The following TMEM181 variants were observed in gnomAD, a reference collection of about 807,000 sequenced individuals.
TMEM181 encodes the protein G protein-coupled receptor 178.
TMEM181 carries 39 observed loss-of-function variants against 71.9 expected under a neutral mutation model. The ratio of observed to expected loss-of-function variants is 0.54; its 90% confidence interval spans 0.42 to 0.71. The LOEUF (loss-of-function observed/expected upper bound fraction) is 0.71. TMEM181 is among the 30% of genes least tolerant of loss of function. TMEM181 has a pLI of 0.00. For missense variants in TMEM181, 595 were observed against 583.0 expected, an observed-to-expected ratio of 1.02 and a Z score of -0.21; for synonymous variants, 245 against 228.8, an observed-to-expected ratio of 1.07 and a Z score of -0.64.
At chr6:158,602,937 C>G (rs1195645137) in intron 6 of TMEM181, among the ~76,000 whole-genome samples, 1 of 152,120 alleles carries the variant, frequency 6.6e-6, no homozygotes, top group African/African-American at 2.4e-5. Context: ...ATTTTTCTGA[C>G]AAGAAATCTG....
chr6:158,579,868 G>A (rs1012615764), intron 2 of TMEM181, among the ~76,000 whole-genome samples: 1 of 152,196 alleles, frequency 6.6e-6, no homozygotes, highest in Non-Finnish European at 1.5e-5. Flanking sequence ...ACTTAGAGTA[G>A]TTAAAATCAT....
At chr6:158,560,505 C>A (rs1358290558) in intron 1 of TMEM181, among the ~76,000 whole-genome samples, 3 of 152,182 alleles carry the variant, frequency 2.0e-5, no homozygotes, top group Non-Finnish European at 4.4e-5. Context: ...GACGGGGCTG[C>A]GAGCCACAGC....
intron 1 of TMEM181, among the ~76,000 whole-genome samples, chr6:158,565,038 A>G (rs2128287955): frequency 6.6e-6 from 1 of 152,286 alleles, no homozygotes; most frequent in Admixed American, 6.5e-5. Context: ...GGTGTCTCTC[A>G]CACCCCTTGG....
intron 2 of TMEM181, among the ~76,000 whole-genome samples, chr6:158,580,228 G>T (rs1201811456): frequency 6.6e-6 from 1 of 152,172 alleles, no homozygotes; most frequent in Non-Finnish European, 1.5e-5. Context: ...TACTCGGGAG[G>T]CTGAGGCAGG....
chr6:158,603,674 G>A (rs1583018430), intron 6 of TMEM181, among the ~76,000 whole-genome samples: 1 of 145,280 alleles, frequency 6.9e-6, no homozygotes, highest in African/African-American at 2.6e-5. Flanking sequence ...TGTCTAATCT[G>A]TTGATCATCT....
At chr6:158,603,260 A>G (rs913491887) in intron 6 of TMEM181, among the ~76,000 whole-genome samples, 7 of 151,950 alleles carry the variant, frequency 4.6e-5, no homozygotes, top group African/African-American at 1.7e-4. Context: ...GTGGAAGACA[A>G]TTTTTCCATG....
At chr6:158,624,100 T>C (rs1436319392) in intron 11 of TMEM181, among the ~76,000 whole-genome samples, 2 of 152,192 alleles carry the variant, frequency 1.3e-5, no homozygotes, top group Non-Finnish European at 2.9e-5. Flanking sequence ...TCCCAGTCTT[T>C]GGTTTGTGGC....
chr6:158,603,588 GTTTTTTT>G, intron 6 of TMEM181, among the ~76,000 whole-genome samples: 1 of 136,056 alleles, frequency 7.3e-6, no homozygotes, highest in Non-Finnish European at 1.6e-5. Flanking sequence ...TTTTTTTCAG[GTTTTTTT>G]TTTTTTTTTT....
At chr6:158,577,632 C>T (rs796933013) in intron 2 of TMEM181, among the ~76,000 whole-genome samples, 1 of 151,966 alleles carries the variant, frequency 6.6e-6, no homozygotes, top group South Asian at 2.1e-4. Flanking sequence ...GAAAGAGACC[C>T]ACACCAAGAT....
At position 158,624,386 on chromosome 6, in the gene TMEM181, G is replaced by A. The variant is rs552359903; in HGVS notation, c.955-718G>A. ...TGTGCTGTCCTGTGCTCTGAGCCTT[G>A]ACTGTAAGAGGGGAGCTCTGGCGCT... On this transcript the variant is annotated intron_variant, in intron 11 of 16. Transcript: ENST00000684151. Among the ~76,000 whole-genome samples, 11 of 152,362 alleles carry A rather than the reference G, an allele frequency of 7.2e-5. No homozygotes were observed. In the South Asian group the frequency reaches 2.3e-3, roughly 32 times the overall value.
In TMEM181 at chr6:158,545,068, G is replaced by A. The variant is rs376097350; in HGVS notation, c.131+8203G>A. Among the ~76,000 whole-genome samples, 15 of 152,346 alleles carry A rather than the reference G, an allele frequency of 9.8e-5. No individual in the cohort carries two copies. The East Asian group carries it at 2.3e-3, about 24-fold the overall frequency. On this transcript the variant is annotated intron_variant, in intron 1 of 16. Coordinates refer to the TMEM181 transcript ENST00000367090. ...GCACAGGGAGAGGATGCTGCCCACC[G>A]CTCAGGGGCCAGGCAGCTCTCCAGG...
intron 1 of TMEM181, chr6:158,536,949 G>C (rs1781133958): frequency 9.0e-7 from 1 of 1,106,616 alleles, no homozygotes; most frequent in Non-Finnish European, 1.1e-6. Context: ...CCCCGGCCTT[G>C]GCCTGGTCCC....
chr6:158,544,182 A>AGAGAGAGAGTGTGTGTGTGTGTGT (rs149735409), intron 1 of TMEM181, among the ~76,000 whole-genome samples: 2,210 of 127,560 alleles, frequency 0.017, 51 homozygotes, highest in Non-Finnish European at 0.025. Flanking sequence ...AATTGGAGAG[A>AGAGAGAGAGTGTGTGTGTGTGTGT]GTGTGTGTGT....
At chr6:158,630,714 TA>T (rs35963539) in intron 15 of TMEM181, among the ~76,000 whole-genome samples, 48,028 of 141,416 alleles carry the variant, frequency 0.34, 8,684 homozygotes, top group African/African-American at 0.5. Flanking sequence ...TTGTTACCAT[TA>T]AAAAAAAAAA....
chr6:158,573,577 G>A (rs945832015), intron 2 of TMEM181, 54 bp downstream of exon 2: 160 of 1,457,846 alleles, frequency 1.1e-4, no homozygotes, highest in Non-Finnish European at 6.0e-5. Flanking sequence ...TGGCCCTGGC[G>A]TATTGCTTTC....
intron 4 of TMEM181, among the ~76,000 whole-genome samples, chr6:158,585,073 G>T (rs1783688991): frequency 6.6e-6 from 1 of 152,092 alleles, no homozygotes. Flanking sequence ...GAAACTGATG[G>T]GTCTGAAGTG....
intron 14 of TMEM181, among the ~76,000 whole-genome samples, chr6:158,629,446 G>C (rs1157568287): frequency 1.3e-5 from 2 of 152,110 alleles, no homozygotes; most frequent in African/African-American, 4.8e-5. Context: ...CCTGCCCTCG[G>C]TGCTGGTGAC....
At chr6:158,621,888 TC>T (rs1406180876) in intron 10 of TMEM181, among the ~76,000 whole-genome samples, 17 of 152,200 alleles carry the variant, frequency 1.1e-4, no homozygotes, top group African/African-American at 4.1e-4. Context: ...TCAAAGCGCT[TC>T]CGAAGACCAC....
Position 158,589,754 on chromosome 6 carries a change from A to C in TMEM181, c.464A>C (p.Lys155Thr). 1 of 1,614,082 alleles carries C rather than the reference A, an allele frequency of 6.2e-7. No homozygotes were observed. Among genetic ancestry groups the C allele is most frequent in the Non-Finnish European group, 8.5e-7 (1 of 1,179,966 alleles). The change falls in exon 6 of 17, where the codon AAG becomes ACG. Residue 155 changes from lysine (K) to threonine (T), a missense_variant. Physicochemically the swap from Lys to Thr is moderately conservative, Grantham distance 78. Transcript: ENST00000684151. The stretch of plus-strand genomic sequence containing the variant: ...GTGATAGTGGGATTTGAACACCTGA[A>C]GCTCCCCATCAAGGGAATGAACTTC... ...YTVIVGFEHLKLPIKGMNFTW... is the reference protein window; with the variant it reads ...YTVIVGFEHLTLPIKGMNFTW...
Sources: gnomAD v4.1 joint callset for allele counts (sites outside exome capture counted in the v4.1 genomes callset) on GRCh38, gnomAD v4.1.1 for gene constraint, MANE v1.5 for transcripts, NCBI Gene and HGNC (gene_info 2026-07-23, HGNC 2026-07-21) for gene names.